Variants in TTC34 observed in about 807,000 individuals in gnomAD.
TTC34 encodes tetratricopeptide repeat domain 34, also known as tetratricopeptide repeat protein 34.
In TTC34, 44 loss-of-function variants were observed where a neutral mutation model predicts 40.7. The ratio of observed to expected loss-of-function variants is 1.08; its 90% confidence interval spans 0.85 to 1.39. The LOEUF (loss-of-function observed/expected upper bound fraction) is 1.39. Ranked by LOEUF, TTC34 falls within the 40% of genes most tolerant of loss-of-function variation. The pLI, the probability that TTC34 is intolerant of heterozygous loss-of-function variation, is 0.00. For missense variants in TTC34, 884 were observed against 838.0 expected, an observed-to-expected ratio of 1.05 and a Z score of -0.68; for synonymous variants, 422 against 398.6, an observed-to-expected ratio of 1.06 and a Z score of -0.70.
At chr1:2,800,499 G>T (rs1387220494) in exon 2 of TTC34, 2 of 398,652 alleles carry the variant, frequency 5.0e-6, no homozygotes, top group Non-Finnish European at 8.8e-6. Context: ...CAGCAGACCT[G>T]CCAGCAGGTG....
chr1:2,788,245 G>A (rs986667454), intron 3 of TTC34, among the ~76,000 whole-genome samples: 5 of 152,238 alleles, frequency 3.3e-5, no homozygotes, highest in African/African-American at 1.2e-4. Flanking sequence ...CCAGAAGGCA[G>A]AGGAACTCTG....
chr1:2,749,547 A>T (rs1411965098), intron 6 of TTC34, among the ~76,000 whole-genome samples: 1 of 20,448 alleles, frequency 4.9e-5, no homozygotes, highest in Admixed American at 4.3e-4. Flanking sequence ...TCTGAACGCA[A>T]ATAGCAGCAC....
At chr1:2,788,629 A>C (rs999163585) in intron 3 of TTC34, among the ~76,000 whole-genome samples, 1 of 152,240 alleles carries the variant, frequency 6.6e-6, no homozygotes. Flanking sequence ...CAAAATGAGC[A>C]TCAAGGGTGA....
At chr1:2,685,062 G>A (rs1570809618) in intron 6 of TTC34, among the ~76,000 whole-genome samples, 1 of 140,138 alleles carries the variant, frequency 7.1e-6, no homozygotes, top group Non-Finnish European at 1.5e-5. Context: ...CTGACAGCCT[G>A]GAACAGCAGC....
intron 6 of TTC34, among the ~76,000 whole-genome samples, chr1:2,755,762 C>T (rs1309779383): frequency 1.7e-4 from 23 of 132,126 alleles, no homozygotes; most frequent in East Asian, 2.3e-4. Context: ...GAGCATCTGA[C>T]AGCCTGGAAC....
At chr1:2,765,758 C>T (rs1641770565) in intron 6 of TTC34, among the ~76,000 whole-genome samples, 1 of 46,446 alleles carries the variant, frequency 2.2e-5, no homozygotes, top group Non-Finnish European at 3.5e-5. Context: ...GCCCACACCC[C>T]CAGGTGAGCA....
intron 2 of TTC34, 89 bp downstream of exon 2, chr1:2,799,955 C>CCCCATCAT (rs1181734948): frequency 7.5e-6 from 3 of 398,184 alleles, no homozygotes; most frequent in Non-Finnish European, 1.3e-5. Flanking sequence ...CACAGCCTCA[C>CCCCATCAT]CCCATCATGG....
At chr1:2,680,463 C>G (rs1162365758) in intron 6 of TTC34, among the ~76,000 whole-genome samples, 9 of 100,122 alleles carry the variant, frequency 9.0e-5, no homozygotes, top group African/African-American at 2.5e-4. Context: ...ACCCACACCC[C>G]CAGGAGAGCA....
chr1:2,749,516 A>T (rs1641248546), intron 6 of TTC34, among the ~76,000 whole-genome samples: 1 of 59,688 alleles, frequency 1.7e-5, no homozygotes, highest in Non-Finnish European at 2.8e-5. Flanking sequence ...CTGGAGCAGC[A>T]CCCAGATTCC....
At chr1:2,677,161 T>G (rs1570791731) in intron 6 of TTC34, among the ~76,000 whole-genome samples, 1 of 34,550 alleles carries the variant, frequency 2.9e-5, no homozygotes, top group African/African-American at 8.5e-5. Flanking sequence ...CCCGGAGCAG[T>G]GACCACACCT....
At position 2,645,293 on chromosome 1, in the gene TTC34, C is replaced by T; in HGVS notation, c.2497G>A (p.Gly833Ser). The T allele has an allele frequency of 6.7e-7, 1 of 1,486,224 alleles. No individual in the cohort carries two copies. The highest frequency in any genetic ancestry group is 8.9e-7 in the Non-Finnish European group (1 of 1,120,102). The allele number at this position is 1,486,224 out of a possible 1,614,324, so 92.1% of individuals were successfully genotyped here. ...TTCCCACCTTGGGGCCGCCGCATAC[C>T]CTGTGCCATGAGAATGTCTGCCAGG... The change falls in exon 7 of 9, where the codon GGC becomes AGC. Residue 833 changes from glycine to serine, a missense_variant and splice_region_variant. Transcript: ENST00000401095. This position sits in a 1 kb window ranked among gnomAD's most constrained non-coding sequence, Gnocchi z 4.7.
At chr1:2,699,505 A>T (rs1202228822) in intron 6 of TTC34, among the ~76,000 whole-genome samples, 1 of 23,394 alleles carries the variant, frequency 4.3e-5, no homozygotes, top group Non-Finnish European at 1.2e-4. Flanking sequence ...CCCAGGCGAG[A>T]ATCTGACAGC....
At chr1:2,785,886 G>C (rs897478379) in exon 5 of TTC34, 7 of 1,537,964 alleles carry the variant, frequency 4.6e-6, no homozygotes, top group Non-Finnish European at 6.1e-6. Context: ...CGTCGGCCCC[G>C]CCTGGCCGTG....
chr1:2,800,484 C>CGGGCCA, exon 2 of TTC34: 1 of 398,586 alleles, frequency 2.5e-6, no homozygotes, highest in Non-Finnish European at 4.4e-6. Flanking sequence ...GTGACGCCCG[C>CGGGCCA]GGGCCAGCAG....
At position 2,796,231 on chromosome 1, in the gene TTC34, C is replaced by T. The variant is rs1181391125; in HGVS notation, c.784+3813G>A. Among the ~76,000 whole-genome samples the T allele has an allele frequency of 1.3e-5, 2 of 152,214 alleles. No individual in the cohort carries two copies. The highest frequency in any genetic ancestry group is 4.8e-5 in the African/African-American group (2 of 41,464). ...TCACCCAGCCCGTGGCATTCTGTCA[C>T]AGCAGCACAAATGGAGCGACTGGTT... On this transcript the variant is annotated intron_variant, in intron 2 of 8. Coordinates refer to ENST00000401095, the Ensembl canonical transcript of TTC34. The surrounding 1 kb of genome is among the most constrained non-coding windows in gnomAD (Gnocchi z 4.5).
exon 9 of TTC34, chr1:2,641,770 G>A (rs1203583894): frequency 4.6e-6 from 7 of 1,535,148 alleles, no homozygotes; most frequent in Middle Eastern, 1.7e-4. Flanking sequence ...ACTCGGCCAG[G>A]CAGGTGGCCC....
chr1:2,752,282 AC>A (rs1396752325), intron 6 of TTC34, among the ~76,000 whole-genome samples: 2 of 95,282 alleles, frequency 2.1e-5, no homozygotes, highest in Non-Finnish European at 3.9e-5. Context: ...CTGGAACAGC[AC>A]CTTGCACCCC....
chr1:2,795,417 G>A (rs1273750899), intron 2 of TTC34, among the ~76,000 whole-genome samples: 2 of 152,162 alleles, frequency 1.3e-5, no homozygotes, highest in East Asian at 1.9e-4. Context: ...TCATGTGTCC[G>A]GGGCCTTGGT....
chr1:2,788,491 C>T (rs1643621731), intron 3 of TTC34, among the ~76,000 whole-genome samples: 1 of 152,048 alleles, frequency 6.6e-6, no homozygotes, highest in South Asian at 2.1e-4. Flanking sequence ...CAAGAACCGC[C>T]CCCACCCCCC....
Sources: allele counts gnomAD v4.1 joint callset (sites outside exome capture counted in the v4.1 genomes callset), GRCh38; gene constraint gnomAD v4.1.1; non-coding constraint Gnocchi (gnomAD v3.1); transcripts MANE v1.5; gene names NCBI Gene and HGNC (gene_info 2026-07-23, HGNC 2026-07-21).